The following C13orf46 variants were observed in gnomAD, a reference collection of about 807,000 sequenced individuals.
C13orf46 encodes chromosome 13 open reading frame 46.
At chr13:113,962,655 C>T (rs953575910) in intron 6 of C13orf46, among the ~76,000 whole-genome samples, 11 of 152,136 alleles carry the variant, frequency 7.2e-5, no homozygotes, top group African/African-American at 2.7e-4. Flanking sequence ...TGGCAGCTCT[C>T]CCCACTGCAC....
intron 6 of C13orf46, among the ~76,000 whole-genome samples, chr13:113,962,921 T>C (rs939941131): frequency 1.3e-5 from 2 of 152,174 alleles, no homozygotes; most frequent in African/African-American, 4.8e-5. Flanking sequence ...TGGTGTGACC[T>C]GGTTACGGTA....
the C13orf46 span, chr13:113,928,916 G>T: frequency 6.6e-6 from 1 of 152,432 alleles, no homozygotes; most frequent in Non-Finnish European, 1.5e-5. Context: ...TGTGAGCTTG[G>T]CAGGGGAGAA....
the C13orf46 span, among the ~76,000 whole-genome samples, chr13:113,946,062 C>T: frequency 3.9e-5 from 6 of 152,328 alleles, no homozygotes; most frequent in East Asian, 1.9e-4. Flanking sequence ...GAGTGAATGC[C>T]GCGTTTAAAA....
chr13:113,951,743 C>G (rs1020552727), downstream of C13orf46, among the ~76,000 whole-genome samples: 30 of 152,254 alleles, frequency 2.0e-4, no homozygotes, highest in African/African-American at 6.5e-4. Flanking sequence ...TGCGGCCCTC[C>G]CATTTCAAAG....
At chr13:113,958,832 T>C (rs956757139) in intron 6 of C13orf46, among the ~76,000 whole-genome samples, 15 of 152,220 alleles carry the variant, frequency 9.9e-5, no homozygotes, top group Admixed American at 1.3e-4. Context: ...GGGGCCTCTC[T>C]GGCCCCTGCA....
chr13:113,964,172 A>G (rs2052615060), intron 6 of C13orf46, among the ~76,000 whole-genome samples: 3 of 152,372 alleles, frequency 2.0e-5, no homozygotes, highest in African/African-American at 7.2e-5. Flanking sequence ...TAAAGCCGAT[A>G]GAACAATTCA....
At chr13:113,964,126 G>A (rs2052614612) in intron 6 of C13orf46, among the ~76,000 whole-genome samples, 2 of 152,122 alleles carry the variant, frequency 1.3e-5, no homozygotes, top group African/African-American at 4.8e-5. Context: ...TGGGATTACA[G>A]GCTGAAAGAA....
At chr13:113,936,204 C>T in the C13orf46 span, among the ~76,000 whole-genome samples, 9 of 152,252 alleles carry the variant, frequency 5.9e-5, no homozygotes, top group East Asian at 5.8e-4. Flanking sequence ...TAACTGCCAG[C>T]GGCTTCTTCC....
the C13orf46 span, chr13:113,928,420 C>T: frequency 2.0e-5 from 3 of 152,420 alleles, no homozygotes; most frequent in Non-Finnish European, 4.4e-5. Flanking sequence ...AAACTGACGC[C>T]CTAGGGCAGG....
At chr13:113,965,070 G>T (rs1191611208) in intron 5 of C13orf46, 76 bp from the exon 6 acceptor site, 2 of 152,276 alleles carry the variant, frequency 1.3e-5, no homozygotes, top group Non-Finnish European at 2.9e-5. Context: ...GGACCTGCTG[G>T]AGGATCAGGC....
chr13:113,931,056 T>G, the C13orf46 span, among the ~76,000 whole-genome samples: 1 of 152,182 alleles, frequency 6.6e-6, no homozygotes, highest in African/African-American at 2.4e-5. Context: ...TGTTCACGTG[T>G]GTATTTGCCC....
downstream of C13orf46, among the ~76,000 whole-genome samples, chr13:113,951,690 G>A (rs1382060216): frequency 6.6e-6 from 1 of 152,162 alleles, no homozygotes; most frequent in Non-Finnish European, 1.5e-5. Context: ...TCCTCCTCCA[G>A]GCCCCACTGT....
rs2052671597 is a variant in C13orf46 at position 113,968,453 on chromosome 13, G to C, written c.456+14C>G. The C allele has an allele frequency of 6.6e-6, 1 of 152,224 alleles. No individual in the cohort carries two copies. The highest frequency in any genetic ancestry group is 2.4e-5 in the African/African-American group (1 of 41,438). The allele number at this position is 152,224 out of a possible 1,614,324, so 9.4% of individuals were successfully genotyped here. On this transcript the variant is annotated intron_variant, in intron 4 of 6. Coordinates refer to ENST00000636427, the MANE Select transcript of C13orf46 (RefSeq NM_001365455.2). ...TCCCTTCTCACTTCTATTACTAAAG[G>C]GAAAAGCTCTTACCTCTTCTTCCTG... is the stretch of plus-strand genomic sequence containing the variant.
At chr13:113,958,294 G>C (rs1240567831) in intron 6 of C13orf46, among the ~76,000 whole-genome samples, 3 of 152,182 alleles carry the variant, frequency 2.0e-5, no homozygotes, top group Admixed American at 2.0e-4. Context: ...ATTTCATCAA[G>C]CCTTAGGGGC....
chr13:113,937,505 G>A, the C13orf46 span, among the ~76,000 whole-genome samples: 2 of 152,210 alleles, frequency 1.3e-5, no homozygotes, highest in Admixed American at 6.5e-5. Flanking sequence ...GAACATCTCA[G>A]TAGCGTTGTA....
At chr13:113,969,602 A>C (rs1296075238) in intron 2 of C13orf46, among the ~76,000 whole-genome samples, 1 of 152,238 alleles carries the variant, frequency 6.6e-6, no homozygotes, top group Non-Finnish European at 1.5e-5. Flanking sequence ...TGGTAAATCG[A>C]CTTTGTTAGA....
the C13orf46 span, among the ~76,000 whole-genome samples, chr13:113,936,784 C>T: frequency 6.6e-6 from 1 of 152,172 alleles, no homozygotes; most frequent in African/African-American, 2.4e-5. Context: ...TTCTGGGTGG[C>T]ACCAGGGAGG....
In C13orf46 at chr13:113,955,010, TAGGATCTGGC is replaced by T. The variant is rs2052511628; in HGVS notation, c.*1753_*1762del. 1.6e-5 allele frequency: 1 copy of T among 61,918 alleles called. No homozygotes were observed. The highest frequency in any genetic ancestry group is 4.3e-5 in the African/African-American group (1 of 23,390). 3.8% of individuals were successfully genotyped at this position (61,918 alleles called of 1,614,324 possible). A position where few individuals can be genotyped will look rare whatever the true frequency, so the allele number is the denominator to read the frequency against. Reference sequence around the variant, plus strand: ...AGGAGGATCTGGCAGAGAGGAGGAGTAGGATCTGGCGGAGAGGAGGAGTAGGATCTGGCGG... The same window carrying T: ...AGGAGGATCTGGCAGAGAGGAGGAGTGGAGAGGAGGAGTAGGATCTGGCGG... On this transcript the variant is annotated 3_prime_UTR_variant, in exon 7 of 7. Transcript: ENST00000636427.
downstream of C13orf46, among the ~76,000 whole-genome samples, chr13:113,948,983 C>T (rs1336163287): frequency 6.6e-6 from 1 of 152,206 alleles, no homozygotes; most frequent in African/African-American, 2.4e-5. Context: ...AGGGTGGGAG[C>T]TTGTTGCCAG....
Sources: gnomAD v4.1 joint callset for allele counts (sites outside exome capture counted in the v4.1 genomes callset) on GRCh38, gnomAD v4.1.1 for gene constraint, MANE v1.5 for transcripts, NCBI Gene and HGNC (gene_info 2026-07-23, HGNC 2026-07-21) for gene names.